The following ACCSL variants were observed in gnomAD, a reference collection of about 807,000 sequenced individuals.
ACCSL encodes the protein probable inactive 1-aminocyclopropane-1-carboxylate synthase-like protein 2.
ACCSL carries 55 observed loss-of-function variants against 61.7 expected under a neutral mutation model. The observed-to-expected ratio is 0.89, with a 90% CI of 0.72 to 1.12. The LOEUF (loss-of-function observed/expected upper bound fraction) is 1.12, where lower values mean the gene tolerates loss of function less well. Among genes scored for constraint, ACCSL ranks in the 50% most tolerant of loss-of-function variants. The pLI, the probability that ACCSL is intolerant of heterozygous loss-of-function variation, is 0.00. For synonymous variants in ACCSL, 258 were observed against 264.3 expected, an observed-to-expected ratio of 0.98 and a Z score of 0.23; for missense variants, 632 against 698.0, an observed-to-expected ratio of 0.91 and a Z score of 1.07.
At chr11:43,938,676 G>A in the ACCSL span, among the ~76,000 whole-genome samples, 5 of 152,098 alleles carry the variant, frequency 3.3e-5, no homozygotes, top group Admixed American at 6.5e-5. Flanking sequence ...GGTGGTGCAC[G>A]CCTGTAATCC....
the ACCSL span, among the ~76,000 whole-genome samples, chr11:43,971,781 T>G: frequency 3.3e-5 from 5 of 152,154 alleles, no homozygotes; most frequent in Non-Finnish European, 5.9e-5. Context: ...AGCTGTCCTC[T>G]GCTAGTGAGG....
the ACCSL span, among the ~76,000 whole-genome samples, chr11:43,978,500 C>T: frequency 6.6e-6 from 1 of 152,132 alleles, no homozygotes; most frequent in East Asian, 1.9e-4. Flanking sequence ...TTCAGAGATT[C>T]TTCTGTGATC....
chr11:43,957,578 T>C, the ACCSL span, among the ~76,000 whole-genome samples: 2 of 152,224 alleles, frequency 1.3e-5, no homozygotes, highest in African/African-American at 4.8e-5. Flanking sequence ...AGATTCTCTA[T>C]AGATGCAAAT....
chr11:43,998,871 C>T, the ACCSL span, among the ~76,000 whole-genome samples: 3 of 152,052 alleles, frequency 2.0e-5, no homozygotes, highest in Non-Finnish European at 4.4e-5. Flanking sequence ...GTGATCCTCC[C>T]ACCTCAGCCT....
At chr11:44,000,508 C>T in the ACCSL span, among the ~76,000 whole-genome samples, 2 of 122,770 alleles carry the variant, frequency 1.6e-5, no homozygotes, top group Non-Finnish European at 3.4e-5. Flanking sequence ...CCTGGGTGAC[C>T]GAGTGAGACT....
chr11:43,954,961 G>A, the ACCSL span, among the ~76,000 whole-genome samples: 3 of 152,208 alleles, frequency 2.0e-5, no homozygotes, highest in East Asian at 1.9e-4. Flanking sequence ...ACCTGTGCAA[G>A]CTTCCAGCTT....
At position 44,053,521 on chromosome 11, in the gene ACCSL, C is replaced by G. The variant is rs941069416; in HGVS notation, c.1049+15C>G. The G allele has an allele frequency of 1.1e-5, 18 of 1,591,322 alleles. No individual in the cohort carries two copies. The highest frequency in any genetic ancestry group is 1.6e-5 in the Non-Finnish European group (18 of 1,159,342). ...TTTGCCAAGAGGTATGAGTTCTACC[C>G]CTTGAGACTAGGTAATGTTTCTTGA... On this transcript the variant is annotated intron_variant, in intron 8 of 13. Transcript: ENST00000378832.
chr11:44,053,455 G>T lies in ACCSL; in HGVS notation c.998G>T (p.Gly333Val). 2.5e-6 allele frequency: 4 copies of T among 1,614,112 alleles called. No individual in the cohort carries two copies. The highest frequency in any genetic ancestry group is 3.4e-6 in the Non-Finnish European group (4 of 1,180,038). Residue 333 changes from glycine (G) to valine (V), a missense_variant, in exon 8 of 14, where the codon GGT (glycine) becomes GTT (valine). Physicochemically the swap from Gly to Val is moderately radical, Grantham distance 109 (BLOSUM62 -3). Transcript: ENST00000378832. ...LVLINPQNPL[G>V]DIYSPDSLMK... ...CTAATCAACCCTCAGAATCCTCTGG[G>T]TGACATCTACTCCCCAGACTCACTG...
At chr11:43,998,359 A>G in the ACCSL span, among the ~76,000 whole-genome samples, 2 of 152,078 alleles carry the variant, frequency 1.3e-5, no homozygotes, top group East Asian at 3.9e-4. Context: ...CTTTCTTTTC[A>G]GTGTGTGTTG....
chr11:43,952,016 A>G, the ACCSL span, among the ~76,000 whole-genome samples: 20 of 152,324 alleles, frequency 1.3e-4, no homozygotes, highest in African/African-American at 4.3e-4. Flanking sequence ...AAGAAAAAAA[A>G]AAGTACATTG....
At chr11:43,984,457 A>C in the ACCSL span, among the ~76,000 whole-genome samples, 20,726 of 152,162 alleles carry the variant, frequency 0.14, 1,534 homozygotes, top group Non-Finnish European at 0.17. Flanking sequence ...GGACTATGGG[A>C]TCACACCTCC....
chr11:44,021,425 T>C, the ACCSL span, among the ~76,000 whole-genome samples: 1 of 152,284 alleles, frequency 6.6e-6, no homozygotes, highest in South Asian at 2.1e-4. Flanking sequence ...CTTTTGAGAA[T>C]TGTCTATTCA....
At chr11:43,935,240 G>C in the ACCSL span, among the ~76,000 whole-genome samples, 1 of 152,210 alleles carries the variant, frequency 6.6e-6, no homozygotes, top group East Asian at 1.9e-4. Flanking sequence ...GCCACAGAGT[G>C]TGTACACGCA....
chr11:44,028,127 C>G, the ACCSL span, among the ~76,000 whole-genome samples: 1 of 151,836 alleles, frequency 6.6e-6, no homozygotes, highest in Non-Finnish European at 1.5e-5. Flanking sequence ...GATCATGCCA[C>G]CGTACTCCTG....
the ACCSL span, among the ~76,000 whole-genome samples, chr11:43,999,655 T>C: frequency 6.6e-6 from 1 of 152,172 alleles, no homozygotes; most frequent in African/African-American, 2.4e-5. Context: ...TTCTGTCGGT[T>C]AGAAGCCAGC....
At chr11:43,998,063 C>T in the ACCSL span, among the ~76,000 whole-genome samples, 1 of 152,296 alleles carries the variant, frequency 6.6e-6, no homozygotes, top group East Asian at 1.9e-4. Context: ...CCACTTTCTG[C>T]GTATCTTTGG....
At chr11:43,923,765 G>A in the ACCSL span, among the ~76,000 whole-genome samples, 3 of 152,238 alleles carry the variant, frequency 2.0e-5, no homozygotes, top group South Asian at 2.1e-4. Flanking sequence ...AAGCTGGAGC[G>A]GGAAGAGGAG....
the ACCSL span, among the ~76,000 whole-genome samples, chr11:44,037,376 G>A: frequency 6.6e-6 from 1 of 152,212 alleles, no homozygotes; most frequent in African/African-American, 2.4e-5. Context: ...GTTGCAGTGG[G>A]TCAGAAAAGA....
chr11:43,966,852 T>C, the ACCSL span, among the ~76,000 whole-genome samples: 1 of 152,208 alleles, frequency 6.6e-6, no homozygotes, highest in African/African-American at 2.4e-5. Context: ...TTTAGTTAGA[T>C]TCACATCTTT....
Sources: allele counts gnomAD v4.1 joint callset (sites outside exome capture counted in the v4.1 genomes callset), GRCh38; gene constraint gnomAD v4.1.1; transcripts MANE v1.5; gene names NCBI Gene and HGNC (gene_info 2026-07-23, HGNC 2026-07-21).